Variants in ATP9A observed in about 807,000 individuals in gnomAD.
ATP9A encodes the protein ATPase phospholipid transporting 9A.
A neutral mutation model predicts 144.1 loss-of-function variants in ATP9A; 52 were observed. The ratio of observed to expected loss-of-function variants is 0.36; its 90% confidence interval spans 0.29 to 0.45. The LOEUF (loss-of-function observed/expected upper bound fraction) is 0.45. Among genes scored for constraint, ATP9A ranks in the 20% least tolerant of loss-of-function variants. The pLI is 1.00. For synonymous variants in ATP9A, 582 were observed against 557.4 expected (o/e 1.04, Z -0.62); for missense variants, 947 against 1,392.7 (o/e 0.68, Z 5.09).
intron 9 of ATP9A, among the ~76,000 whole-genome samples, chr20:51,682,453 C>T (rs557567538): frequency 7.2e-5 from 11 of 152,064 alleles, no homozygotes; most frequent in South Asian, 2.1e-4. Flanking sequence ...CCAGATGCAA[C>T]GGGACATGAC....
At chr20:51,684,887 T>C (rs1601103140) in intron 9 of ATP9A, among the ~76,000 whole-genome samples, 1 of 150,586 alleles carries the variant, frequency 6.6e-6, no homozygotes, top group East Asian at 1.9e-4. Flanking sequence ...GGCAGGCGCC[T>C]GTAGTCCCGG....
Position 51,621,060 on chromosome 20 carries a change from T to C in ATP9A, c.2115+1014A>G, listed in dbSNP as rs187193252. Among the ~76,000 whole-genome samples, 427 of 151,454 alleles carry C rather than the reference T, an allele frequency of 2.8e-3. 1 individual carries two copies. Among genetic ancestry groups the C allele is most frequent in the African/African-American group, 9.6e-3 (396 of 41,236 alleles). On this transcript the variant is annotated intron_variant, in intron 19 of 27. Coordinates refer to ENST00000338821, the MANE Select transcript of ATP9A (RefSeq NM_006045.3). ...TACTTGGGAGGCTGAGGCAGAAGAA[T>C]TGCTTGAACCCAGGAGGCGGAGGTT...
chr20:51,747,923 C>T (rs1471028966), intron 1 of ATP9A, among the ~76,000 whole-genome samples: 2 of 152,216 alleles, frequency 1.3e-5, no homozygotes, highest in Non-Finnish European at 2.9e-5. Context: ...TCTTTCCCCA[C>T]CATTCCATTT....
At chr20:51,608,327 CT>C (rs1458034202) in intron 25 of ATP9A, among the ~76,000 whole-genome samples, 190 bp downstream of exon 25, 4 of 152,084 alleles carry the variant, frequency 2.6e-5, no homozygotes, top group African/African-American at 9.7e-5. Context: ...GAATATATTA[CT>C]GCTTTAAGAA....
chr20:51,747,001 G>A (rs1433826440), intron 1 of ATP9A, among the ~76,000 whole-genome samples: 5 of 151,478 alleles, frequency 3.3e-5, no homozygotes, highest in Non-Finnish European at 4.4e-5. Context: ...GCGAGACTCC[G>A]TCTCAAAAAA....
intron 1 of ATP9A, among the ~76,000 whole-genome samples, chr20:51,731,273 TG>T (rs1426909563): frequency 6.6e-6 from 1 of 151,864 alleles, no homozygotes; most frequent in Non-Finnish European, 1.5e-5. Flanking sequence ...CACTCCAGCC[TG>T]GGCAACAGAG....
At chr20:51,697,922 C>T (rs1287691156) in intron 4 of ATP9A, among the ~76,000 whole-genome samples, 2 of 152,212 alleles carry the variant, frequency 1.3e-5, no homozygotes, top group Non-Finnish European at 2.9e-5. Context: ...ATAATTGCTA[C>T]ATGCTTTGAT....
At chr20:51,708,294 TA>T (rs772217606) in intron 4 of ATP9A, among the ~76,000 whole-genome samples, 3,902 of 137,816 alleles carry the variant, frequency 0.028, 49 homozygotes, top group Non-Finnish European at 0.04. Context: ...CTCTATGATT[TA>T]AAAAAAAAAA....
At chr20:51,661,526 CTTTTTTTT>C (rs533280164) in intron 13 of ATP9A, among the ~76,000 whole-genome samples, 14 of 108,730 alleles carry the variant, frequency 1.3e-4, no homozygotes, top group African/African-American at 2.2e-4. Context: ...CCATGCCCAG[CTTTTTTTT>C]TTTTTTTTTT....
chr20:51,726,970 T>C (rs148750113), intron 2 of ATP9A, among the ~76,000 whole-genome samples: 49 of 147,698 alleles, frequency 3.3e-4, no homozygotes, highest in African/African-American at 1.2e-3. Flanking sequence ...AAAATGCTTA[T>C]GCTATAAGGT....
At chr20:51,620,872 G>A (rs957127003) in intron 19 of ATP9A, among the ~76,000 whole-genome samples, 2 of 152,114 alleles carry the variant, frequency 1.3e-5, no homozygotes, top group African/African-American at 4.8e-5. Flanking sequence ...TCTAGGCCAG[G>A]CGCGGTGGCT....
chr20:51,767,640 G>C (rs1161865593), intron 1 of ATP9A, among the ~76,000 whole-genome samples: 1 of 152,230 alleles, frequency 6.6e-6, no homozygotes, highest in Non-Finnish European at 1.5e-5. Context: ...CCAGCCGTGG[G>C]ATTCCTTCCC....
At chr20:51,704,182 T>TAA (rs11086355) in intron 4 of ATP9A, among the ~76,000 whole-genome samples, 31,386 of 130,254 alleles carry the variant, frequency 0.24, 3,818 homozygotes, top group Non-Finnish European at 0.26. Flanking sequence ...AGTGGGAACT[T>TAA]AAAAAAAAAA....
At chr20:51,652,834 C>A (rs6021350) in intron 14 of ATP9A, among the ~76,000 whole-genome samples, 37,829 of 151,880 alleles carry the variant, frequency 0.25, 5,125 homozygotes, top group Non-Finnish European at 0.3. Context: ...CAAGGCCAGT[C>A]GCAGTGGCTC....
chr20:51,617,011 G>A (rs1048836832), intron 22 of ATP9A, among the ~76,000 whole-genome samples: 3 of 149,294 alleles, frequency 2.0e-5, no homozygotes, highest in East Asian at 2.0e-4. Context: ...GCGCAATCTC[G>A]GCTTACTGCA....
chr20:51,658,582 T>C (rs1462471895), intron 13 of ATP9A, among the ~76,000 whole-genome samples: 1 of 143,146 alleles, frequency 7.0e-6, no homozygotes, highest in African/African-American at 2.6e-5. Context: ...TGCAGTGGCA[T>C]GATCTCAGCT....
At chr20:51,727,945 AG>A (rs1290003913) in intron 2 of ATP9A, among the ~76,000 whole-genome samples, 1 of 138,266 alleles carries the variant, frequency 7.2e-6, no homozygotes, top group Middle Eastern at 3.9e-3. Context: ...AAAAAAAAAA[AG>A]CTATGTCCAC....
At chr20:51,751,987 A>T (rs1366109013) in intron 1 of ATP9A, among the ~76,000 whole-genome samples, 1 of 152,126 alleles carries the variant, frequency 6.6e-6, no homozygotes, top group Non-Finnish European at 1.5e-5. Context: ...GGATTCTCAC[A>T]AGACAAACGA....
chr20:51,644,530 A>G (rs2077334251), intron 14 of ATP9A, among the ~76,000 whole-genome samples: 1 of 151,662 alleles, frequency 6.6e-6, no homozygotes, highest in South Asian at 2.1e-4. Flanking sequence ...TCGGCCTCCC[A>G]AAGTGCTGGA....
Sources: allele counts gnomAD v4.1 joint callset (sites outside exome capture counted in the v4.1 genomes callset), GRCh38; gene constraint gnomAD v4.1.1; transcripts MANE v1.5; gene names NCBI Gene and HGNC (gene_info 2026-07-23, HGNC 2026-07-21).